The following USP32 variants were observed in gnomAD, a reference collection of about 807,000 sequenced individuals.
The protein encoded by USP32 is ubiquitin specific peptidase 32.
In USP32, 59 loss-of-function variants were observed where a neutral mutation model predicts 204.8. The ratio of observed to expected loss-of-function variants is 0.29; its 90% CI spans 0.23 to 0.36. USP32 has a LOEUF of 0.36. Among genes scored for constraint, USP32 ranks in the 10% least tolerant of loss-of-function variants. The pLI, the probability that USP32 is intolerant of heterozygous loss-of-function variation, is 1.00. For synonymous variants in USP32, 517 were observed against 678.4 expected (o/e 0.76, Z 3.70); for missense variants, 1,160 against 1,946.4 (o/e 0.60, Z 7.60).
intron 11 of USP32, among the ~76,000 whole-genome samples, chr17:60,237,871 T>C (rs2085774014): frequency 6.6e-6 from 1 of 152,242 alleles, no homozygotes; most frequent in African/African-American, 2.4e-5. Context: ...TTGGCTATTG[T>C]GAACAGTGGT....
chr17:60,179,587 C>A (rs1423458914), intron 33 of USP32, among the ~76,000 whole-genome samples, 159 bp from the exon 34 acceptor site: 3 of 152,162 alleles, frequency 2.0e-5, no homozygotes, highest in Admixed American at 2.0e-4. Flanking sequence ...TTAAGATGAG[C>A]CCCATTATTT....
At chr17:60,237,304 ATTTT>A (rs34988306) in intron 11 of USP32, among the ~76,000 whole-genome samples, 61 of 131,012 alleles carry the variant, frequency 4.7e-4, no homozygotes, top group African/African-American at 1.5e-3. Context: ...TGCCCAGCTA[ATTTT>A]TTTTTTTTTT....
intron 2 of USP32, among the ~76,000 whole-genome samples, chr17:60,320,068 A>C (rs910574239): frequency 1.3e-5 from 2 of 152,188 alleles, no homozygotes; most frequent in African/African-American, 4.8e-5. Flanking sequence ...TTCAGGGAGT[A>C]ATCTGTTGAA....
At chr17:60,306,546 G>A (rs1323436678) in intron 2 of USP32, among the ~76,000 whole-genome samples, 1 of 152,028 alleles carries the variant, frequency 6.6e-6, no homozygotes, top group South Asian at 2.1e-4. Context: ...GCTGAGGCAG[G>A]AGAATCACTT....
Position 60,251,922 on chromosome 17 carries a change from G to A in USP32, c.1136+459C>T, listed in dbSNP as rs540011768. 2.0e-5 allele frequency among the ~76,000 whole-genome samples: 3 copies of A among 151,912 alleles called. No individual in the cohort carries two copies. In the South Asian group the frequency reaches 6.2e-4, roughly 32 times the overall value. ...ATGATCTAGAGTGAAAATAGGAGCA[G>A]GGAATAAAGTAGGTATTTCAGAATA... On this transcript the variant is annotated intron_variant, in intron 11 of 33. Transcript: ENST00000300896.
intron 30 of USP32, among the ~76,000 whole-genome samples, chr17:60,183,733 A>G (rs1188276217): frequency 6.6e-6 from 1 of 152,196 alleles, no homozygotes; most frequent in Non-Finnish European, 1.5e-5. Context: ...GCTCTTCTAG[A>G]GTCCACAAAG....
chr17:60,195,985 G>T (rs1473903325), intron 27 of USP32, among the ~76,000 whole-genome samples: 1 of 152,122 alleles, frequency 6.6e-6, no homozygotes, highest in Non-Finnish European at 1.5e-5. Flanking sequence ...TAAAAAGCCG[G>T]CCTGGGCCGG....
At chr17:60,306,389 G>A (rs2087723026) in intron 2 of USP32, among the ~76,000 whole-genome samples, 1 of 152,150 alleles carries the variant, frequency 6.6e-6, no homozygotes, top group South Asian at 2.1e-4. Context: ...TGTAATCCCA[G>A]CACTTTGGAA....
chr17:60,321,720 TAAC>T (rs1187042266), intron 2 of USP32, among the ~76,000 whole-genome samples: 1 of 152,084 alleles, frequency 6.6e-6, no homozygotes, highest in Non-Finnish European at 1.5e-5. Context: ...AAAAATACAG[TAAC>T]AACAACAAAA....
intron 1 of USP32, among the ~76,000 whole-genome samples, chr17:60,353,118 C>A (rs573856302): frequency 9.2e-5 from 14 of 152,058 alleles, no homozygotes; most frequent in Admixed American, 3.3e-4. Context: ...AGTAAGGAAG[C>A]AATTATTGTT....
chr17:60,240,010 C>T (rs958189865), intron 11 of USP32, among the ~76,000 whole-genome samples: 3 of 152,244 alleles, frequency 2.0e-5, no homozygotes, highest in Non-Finnish European at 2.9e-5. Flanking sequence ...GCTGGGATTA[C>T]AGGCGTGGGC....
intron 4 of USP32, among the ~76,000 whole-genome samples, chr17:60,289,810 G>A (rs1364961624): frequency 6.6e-6 from 1 of 152,176 alleles, no homozygotes; most frequent in Non-Finnish European, 1.5e-5. Context: ...AATAATGACA[G>A]TCAAGATTGG....
chr17:60,417,421 C>T (rs934482221), intron 1 of USP32, among the ~76,000 whole-genome samples: 4 of 151,324 alleles, frequency 2.6e-5, no homozygotes, highest in African/African-American at 9.7e-5. Context: ...GCTGAGAATA[C>T]AAGCATAAGC....
chr17:60,343,621 A>G (rs2088712274), intron 2 of USP32, among the ~76,000 whole-genome samples: 1 of 152,252 alleles, frequency 6.6e-6, no homozygotes, highest in African/African-American at 2.4e-5. Context: ...AAGACACAAC[A>G]TACCAGAATC....
chr17:60,255,491 G>T (rs1034186294), intron 9 of USP32, among the ~76,000 whole-genome samples: 3 of 151,938 alleles, frequency 2.0e-5, no homozygotes, highest in Non-Finnish European at 2.9e-5. Context: ...GTAGAAACGG[G>T]GTTTCACTAT....
chr17:60,265,933 T>G, intron 8 of USP32, 43 bp downstream of exon 8: 1 of 1,456,722 alleles, frequency 6.9e-7, no homozygotes, highest in Non-Finnish European at 9.5e-7. Context: ...CAATTTCCCA[T>G]TGGAAGTTTA....
chr17:60,226,566 T>G (rs2085397186), intron 12 of USP32, among the ~76,000 whole-genome samples: 1 of 152,140 alleles, frequency 6.6e-6, no homozygotes, highest in African/African-American at 2.4e-5. Context: ...CCATAGTACA[T>G]GAATGTATAT....
chr17:60,247,197 T>G (rs2086050043), intron 11 of USP32, among the ~76,000 whole-genome samples: 1 of 152,088 alleles, frequency 6.6e-6, no homozygotes, highest in South Asian at 2.1e-4. Flanking sequence ...CTTTTTTTTT[T>G]GAGGCGGAGT....
intron 1 of USP32, among the ~76,000 whole-genome samples, chr17:60,367,707 T>C (rs1007765754): frequency 5.9e-5 from 9 of 152,064 alleles, no homozygotes; most frequent in Admixed American, 4.6e-4. Context: ...ACTTGGGAGG[T>C]TGGGGCATGA....
Sources: allele counts gnomAD v4.1 joint callset (sites outside exome capture counted in the v4.1 genomes callset), GRCh38; gene constraint gnomAD v4.1.1; transcripts MANE v1.5; gene names NCBI Gene and HGNC (gene_info 2026-07-23, HGNC 2026-07-21).